Variants in NPHS1 observed in about 807,000 individuals in gnomAD.
The protein encoded by NPHS1 is NPHS1 adhesion molecule, nephrin.
A neutral mutation model predicts 139.7 loss-of-function variants in NPHS1; 107 were observed. The observed-to-expected ratio is 0.77, with a 90% CI of 0.66 to 0.90. NPHS1 has a LOEUF of 0.90. NPHS1 is among the 40% of genes least tolerant of loss of function. The pLI is 0.00. For missense variants in NPHS1, 1,580 were observed against 1,654.2 expected (o/e 0.96, Z 0.78); for synonymous variants, 707 against 706.6 (o/e 1.00, Z -0.01).
rs747423837 is a variant in NPHS1 at position 35,846,132 on chromosome 19, G to T, written c.1503C>A (p.Ser501Arg). ...PQESRRVHLG[S>R]VEKSGSTFSR... is the part of the protein sequence containing the mutation. ...AGAAGGTGCTCCCAGATTTCTCCAC[G>T]CTGCCGAGATGCACGCGCCGCGACT... is the stretch of plus-strand genomic sequence containing the variant. Residue 501 changes from serine to arginine, a missense_variant, in exon 12 of 29, where the codon AGC (serine) becomes AGA (arginine). Coordinates refer to ENST00000378910, the MANE Select transcript of NPHS1 (RefSeq NM_004646.4). The T allele has an allele frequency of 1.4e-5, 22 of 1,597,808 alleles. No homozygotes were observed. Among genetic ancestry groups the T allele is most frequent in the Non-Finnish European group, 3.4e-6 (4 of 1,173,492 alleles).
chr19:35,830,778 C>T (rs1352321947), intron 28 of NPHS1, 66 bp downstream of exon 28: 4 of 1,002,488 alleles, frequency 4.0e-6, no homozygotes, highest in Non-Finnish European at 6.4e-6. Flanking sequence ...CTAACTAATA[C>T]AAGCAATAGG....
intron 28 of NPHS1, among the ~76,000 whole-genome samples, chr19:35,828,329 A>G (rs963137287): frequency 2.6e-5 from 4 of 151,570 alleles, no homozygotes; most frequent in Non-Finnish European, 4.4e-5. Context: ...GCAGTGGCGC[A>G]ATCTTGGCTC....
chr19:35,844,111 TC>T lies in NPHS1; in HGVS notation c.2203del (p.Asp735ThrfsTer17). ...EGTAEARLRL[D>X]VHYAPTIRAL... ...TGGTGGGCGGGGCTCACAGTGCACG[TC>T]CAGCCGCAGCCGCGCTTCCGCGGTG... On this transcript the variant is annotated frameshift_variant, in exon 16 of 29. Transcript: ENST00000378910. LOFTEE classifies it high-confidence loss of function. The T allele has an allele frequency of 6.2e-7, 1 of 1,607,360 alleles. No homozygotes were observed. Among genetic ancestry groups the T allele is most frequent in the South Asian group, 1.1e-5 (1 of 90,964 alleles).
chr19:35,849,763 C>T (rs1363992067), intron 5 of NPHS1, 110 bp from the exon 6 acceptor site: 3 of 773,322 alleles, frequency 3.9e-6, no homozygotes, highest in Non-Finnish European at 4.5e-6. Flanking sequence ...GTCTAAGTCC[C>T]CATGCTGATC....
chr19:35,842,566 T>C lies in NPHS1; in HGVS notation c.2335-16A>G. ...CATCTTCTCCCTGGAGGCCCAAGAGTCCAGAATTGGCCTCCCAGTCTAGCC... is the reference window on the plus strand; with the variant it reads ...CATCTTCTCCCTGGAGGCCCAAGAGCCCAGAATTGGCCTCCCAGTCTAGCC... On this transcript the variant is annotated splice_polypyrimidine_tract_variant and intron_variant, in intron 17 of 28. Transcript: ENST00000378910. 6.2e-7 allele frequency: 1 copy of C among 1,613,532 alleles called. No individual in the cohort carries two copies. Among genetic ancestry groups the C allele is most frequent in the East Asian group, 2.2e-5 (1 of 44,882 alleles).
At position 35,846,200 on chromosome 19, in the gene NPHS1, G is replaced by A. The variant is rs1167601525; in HGVS notation, c.1441-6C>T. 4.4e-6 allele frequency: 7 copies of A among 1,578,698 alleles called. No homozygotes were observed. Among genetic ancestry groups the A allele is most frequent in the Non-Finnish European group, 6.0e-6 (7 of 1,165,714 alleles). On this transcript the variant is annotated splice_region_variant and splice_polypyrimidine_tract_variant and intron_variant, in intron 11 of 28. Transcript: ENST00000378910. The stretch of plus-strand genomic sequence containing the variant: ...TCGGTCACGGTGCGCGAGTCCTACG[G>A]GCCGGGAGTGACTGGGGTTCGCAGG...
chr19:35,843,850 G>A (rs144835149), intron 16 of NPHS1: 3 of 646,756 alleles, frequency 4.6e-6, no homozygotes, highest in African/African-American at 3.7e-5. Context: ...CTTATACAGT[G>A]GGCTCTCATT....
chr19:35,837,073 A>AGAAAGAGAAAGAAAG (rs765643414), intron 22 of NPHS1, among the ~76,000 whole-genome samples: 1 of 130,496 alleles, frequency 7.7e-6, no homozygotes, highest in Non-Finnish European at 1.8e-5. Flanking sequence ...AAAGAAAGAA[A>AGAAAGAGAAAGAAAG]AATAAACTGA....
Position 35,842,195 on chromosome 19 carries a change from A to G in NPHS1, c.2592T>C (p.Arg864=). 6.2e-7 allele frequency: 1 copy of G among 1,612,508 alleles called. No individual in the cohort carries two copies. The highest frequency in any genetic ancestry group is 8.5e-7 in the Non-Finnish European group (1 of 1,179,472). ...DSTSSATLHC[R]ARGVPNIVFT... ...AAACGATGTTGGGGACACCTCGGGCACGGCAGTGGAGGGTGGCAGAACTGG... is the reference window on the plus strand; with the variant it reads ...AAACGATGTTGGGGACACCTCGGGCGCGGCAGTGGAGGGTGGCAGAACTGG... Residue 864 remains arginine (R), a synonymous_variant, in exon 19 of 29, where the codon CGT becomes CGC. Transcript: ENST00000378910.
rs368602816 is a variant in NPHS1 at position 35,851,003 on chromosome 19, A to G, written c.484T>C (p.Ser162Pro). ...TCAGGTGCTGGCTTCGCGTCCCCAG[A>G]CACACAGTTGACCACGTACTCCTGC... Reference protein sequence around the residue: ...AGQEYVVNCVSGDAKPAPDIT... With the variant: ...AGQEYVVNCVPGDAKPAPDIT... Residue 162 changes from serine (S) to proline (P), a missense_variant, in exon 4 of 29, where the codon TCT becomes CCT. By Grantham distance (74) the Ser-to-Pro change is moderately conservative. Coordinates refer to ENST00000378910, the MANE Select transcript of NPHS1 (RefSeq NM_004646.4). The G allele has an allele frequency of 2.5e-6, 4 of 1,614,002 alleles. No individual in the cohort carries two copies. In the Admixed American group the frequency reaches 6.7e-5, roughly 27 times the overall value.
Position 35,842,180 on chromosome 19 carries a change from G to C in NPHS1, c.2607C>G (p.Pro869=). 1 of 1,611,312 alleles carries C rather than the reference G, an allele frequency of 6.2e-7. No individual in the cohort carries two copies. Among genetic ancestry groups the C allele is most frequent in the East Asian group, 2.2e-5 (1 of 44,834 alleles). Residue 869 remains proline, a synonymous_variant, in exon 19 of 29, where the codon CCC becomes CCG. Coordinates refer to ENST00000378910, the MANE Select transcript of NPHS1 (RefSeq NM_004646.4). ...TTTTTGTCCAAGTGAAAACGATGTT[G>C]GGGACACCTCGGGCACGGCAGTGGA... The part of the protein sequence containing the change: ...ATLHCRARGV[P]NIVFTWTKNG...
At chr19:35,835,862 T>G (rs1427851086) in intron 22 of NPHS1, 101 bp from the exon 23 acceptor site, 1 of 1,009,474 alleles carries the variant, frequency 9.9e-7, no homozygotes, top group East Asian at 2.4e-5. Flanking sequence ...TCATGGGAAC[T>G]GGTATATGAC....
At chr19:35,840,321 C>A (rs573802914) in intron 20 of NPHS1, among the ~76,000 whole-genome samples, 1 of 145,410 alleles carries the variant, frequency 6.9e-6, no homozygotes, top group Admixed American at 6.9e-5. Context: ...GGTTTCTTTT[C>A]TTTTTTTTTT....
In NPHS1 at chr19:35,831,319, C is replaced by A. The variant is rs548792892; in HGVS notation, c.3364G>T (p.Glu1122Ter). 1 of 1,614,016 alleles carries A rather than the reference C, an allele frequency of 6.2e-7. No individual in the cohort carries two copies. The highest frequency in any genetic ancestry group is 1.7e-5 in the Admixed American group (1 of 59,996). ...NEYEESQWTG[E>*]RDTQSSTVST... is the part of the protein sequence containing the mutation. Reference sequence around the variant, plus strand: ...ACCGTGGAGCTCTGAGTGTCCCGCTCTCCTGTCCACTGGCTCTCCTCATAT... The same window carrying A: ...ACCGTGGAGCTCTGAGTGTCCCGCTATCCTGTCCACTGGCTCTCCTCATAT... The change falls in exon 26 of 29, where the codon GAG becomes TAG. Residue 1122 changes from glutamate (E) to a stop codon, truncating the protein, a stop_gained. Transcript: ENST00000378910. LOFTEE classifies it high-confidence loss of function.
rs1326169824 is a variant in NPHS1 at position 35,849,109 on chromosome 19, G to A, written c.879C>T (p.His293=). 1.2e-6 allele frequency: 2 copies of A among 1,609,644 alleles called. No individual in the cohort carries two copies. The highest frequency in any genetic ancestry group is 1.3e-5 in the African/African-American group (1 of 75,056). Reference sequence around the variant, plus strand: ...GCACACTGCGGGCCACCGCCTGGGTGTGCTCTGTGCCCCACGCTGTGGACA... The same window carrying A: ...GCACACTGCGGGCCACCGCCTGGGTATGCTCTGTGCCCCACGCTGTGGACA... ...QPVSTAWGTE[H]TQAVARSVLV... is the part of the protein sequence containing the mutation. The change falls in exon 8 of 29, where the codon CAC becomes CAT. Residue 293 remains histidine, a synonymous_variant. Coordinates refer to ENST00000378910, the MANE Select transcript of NPHS1 (RefSeq NM_004646.4).
chr19:35,831,236 C>G, intron 26 of NPHS1, 60 bp downstream of exon 26: 1 of 1,608,230 alleles, frequency 6.2e-7, no homozygotes, highest in African/African-American at 1.3e-5. Flanking sequence ...ATGCTAACGG[C>G]AGGGCTTCAG....
chr19:35,833,299 G>T (rs1972908651), intron 23 of NPHS1, among the ~76,000 whole-genome samples: 1 of 152,086 alleles, frequency 6.6e-6, no homozygotes, highest in Non-Finnish European at 1.5e-5. Context: ...GCATCTGTTG[G>T]GCGGGCAATC....
rs1245967538 is a variant in NPHS1 at position 35,848,369 on chromosome 19, G to T, written c.1199C>A (p.Ser400Tyr). The change falls in exon 10 of 29, where the codon TCC (serine) becomes TAC (tyrosine). Residue 400 changes from serine (S) to tyrosine (Y), a missense_variant. Transcript: ENST00000378910. Reference sequence around the variant, plus strand: ...CCGCCGCGCCAGGAATGTCAGGTTGGACATGGAGATGTGACCGCCATGCAG... The same window carrying T: ...CCGCCGCGCCAGGAATGTCAGGTTGTACATGGAGATGTGACCGCCATGCAG... ...DGLHGGHISMSNLTFLARRED... is the reference protein window; with the variant it reads ...DGLHGGHISMYNLTFLARRED... 13 of 1,614,018 alleles carry T rather than the reference G, an allele frequency of 8.1e-6. No homozygotes were observed. The highest frequency in any genetic ancestry group is 1.1e-5 in the Non-Finnish European group (13 of 1,180,026).
In NPHS1 at chr19:35,845,680, CT is replaced by C. The variant is rs1057517021; in HGVS notation, c.1745del (p.Lys582ArgfsTer40). 2 of 1,613,680 alleles carry C rather than the reference CT, an allele frequency of 1.2e-6. No individual in the cohort carries two copies. Among genetic ancestry groups the C allele is most frequent in the Non-Finnish European group, 1.7e-6 (2 of 1,179,868 alleles). On this transcript the variant is annotated frameshift_variant, in exon 13 of 29. Transcript: ENST00000378910. LOFTEE classifies it high-confidence loss of function. The surrounding 1 kb of genome is among the most constrained non-coding windows in gnomAD (Gnocchi z 5.5). ...CCTCGCACTCCCACCTCTCCCCTTC[CT>C]TGTCCCAGGACAAGTTGACCGGCGG... ...SNPPVNLSWDKEGERLEGVAA... is the reference protein window; with the variant it reads ...SNPPVNLSWDXEGERLEGVAA...
Sources: gnomAD v4.1 joint callset for allele counts (sites outside exome capture counted in the v4.1 genomes callset) on GRCh38, gnomAD v4.1.1 for gene constraint, Gnocchi (gnomAD v3.1) non-coding constraint, MANE v1.5 for transcripts, NCBI Gene and HGNC (gene_info 2026-07-23, HGNC 2026-07-21) for gene names.